The following CDH10 variants were observed in gnomAD, a reference collection of about 807,000 sequenced individuals.
CDH10 encodes the protein cadherin 10, also known as cadherin-10.
A neutral mutation model predicts 73.1 loss-of-function variants in CDH10; 30 were observed. The observed-to-expected ratio is 0.41, with a 90% CI of 0.31 to 0.56. The LOEUF (loss-of-function observed/expected upper bound fraction) is 0.56, where lower values mean the gene tolerates loss of function less well. CDH10 is among the 20% of genes least tolerant of loss of function. The probability of loss-of-function intolerance (pLI) is 0.27; values close to 1 mark genes in which losing one functional copy is unlikely to be tolerated. For missense variants in CDH10, 815 were observed against 973.7 expected (o/e 0.84, Z 2.17); for synonymous variants, 345 against 348.2 (o/e 0.99, Z 0.10).
At chr5:24,501,600 C>T (rs900014912) in intron 8 of CDH10, among the ~76,000 whole-genome samples, 1 of 152,118 alleles carries the variant, frequency 6.6e-6, no homozygotes, top group African/African-American at 2.4e-5. Context: ...GAAGCCATGA[C>T]GATGCATCCA....
chr5:24,641,914 T>C (rs1748066431), intron 1 of CDH10, among the ~76,000 whole-genome samples: 1 of 152,154 alleles, frequency 6.6e-6, no homozygotes, highest in Non-Finnish European at 1.5e-5. Flanking sequence ...AATATCTGCA[T>C]AAAATTACTT....
At chr5:24,601,100 T>G (rs1248662995) in intron 1 of CDH10, among the ~76,000 whole-genome samples, 5 of 152,262 alleles carry the variant, frequency 3.3e-5, no homozygotes, top group African/African-American at 1.2e-4. Flanking sequence ...AAAGTTCAGT[T>G]TTTTATTTTA....
At chr5:24,564,326 G>A (rs529699109) in intron 2 of CDH10, among the ~76,000 whole-genome samples, 2 of 152,326 alleles carry the variant, frequency 1.3e-5, no homozygotes, top group South Asian at 4.1e-4. Flanking sequence ...GAAAAGTAGA[G>A]AATACTAATT....
In CDH10 at chr5:24,509,932, A is replaced by G. The variant is rs570382857; in HGVS notation, c.1003-113T>C. Reference sequence around the variant, plus strand: ...GTTGAGTTCTCTTACATAGTTCATTAATTATAAATAAAAAAGACTAACACA... The same window carrying G: ...GTTGAGTTCTCTTACATAGTTCATTGATTATAAATAAAAAAGACTAACACA... On this transcript the variant is annotated intron_variant, in intron 6 of 11. Transcript: ENST00000264463. 215 of 677,744 alleles carry G rather than the reference A, an allele frequency of 3.2e-4. 2 individuals carry two copies. In the African/African-American group the frequency reaches 3.7e-3, roughly 12 times the overall value. The allele number at this position is 677,744 out of a possible 1,614,324, so 42.0% of individuals were successfully genotyped here. A position where few individuals can be genotyped will look rare whatever the true frequency, so the allele number is the denominator to read the frequency against.
intron 9 of CDH10, among the ~76,000 whole-genome samples, chr5:24,496,238 A>G (rs1470968983): frequency 6.6e-6 from 1 of 152,172 alleles, no homozygotes; most frequent in Non-Finnish European, 1.5e-5. Context: ...TTCCTTGGGA[A>G]ATCTGTGGTA....
chr5:24,621,767 CCATTTATATGCACACATATAATT>C (rs1208864588), intron 1 of CDH10, among the ~76,000 whole-genome samples: 2 of 152,092 alleles, frequency 1.3e-5, no homozygotes, highest in Non-Finnish European at 1.5e-5. Context: ...CATATATAAT[CCATTTATATGCACACATATAATT>C]CATTTATATG....
chr5:24,573,269 A>G (rs1314547233), intron 2 of CDH10, among the ~76,000 whole-genome samples: 2 of 152,108 alleles, frequency 1.3e-5, no homozygotes, highest in African/African-American at 2.4e-5. Context: ...TTGTAAACAT[A>G]GTAAATGAAA....
intron 1 of CDH10, among the ~76,000 whole-genome samples, chr5:24,596,183 G>A (rs1746367041): frequency 6.6e-6 from 1 of 151,818 alleles, no homozygotes; most frequent in East Asian, 1.9e-4. Context: ...TAAGTAACTA[G>A]GAGCCTACAT....
At chr5:24,554,473 CGTGTGTGTGTGT>C (rs70965612) in intron 2 of CDH10, among the ~76,000 whole-genome samples, 4,346 of 149,318 alleles carry the variant, frequency 0.029, 121 homozygotes, top group Middle Eastern at 0.13. Context: ...TCTCCCTATT[CGTGTGTGTGTGT>C]GTGTGTGTGT....
chr5:24,579,439 C>T (rs1356773857), intron 2 of CDH10, among the ~76,000 whole-genome samples: 2 of 152,014 alleles, frequency 1.3e-5, no homozygotes, highest in South Asian at 2.1e-4. Flanking sequence ...TACTGCTGCA[C>T]GTATTTGCTC....
intron 1 of CDH10, among the ~76,000 whole-genome samples, chr5:24,631,743 G>A (rs1193741001): frequency 6.6e-6 from 1 of 151,758 alleles, no homozygotes; most frequent in Non-Finnish European, 1.5e-5. Context: ...ATTGAGAAAG[G>A]GGACAAAAAA....
intron 5 of CDH10, among the ~76,000 whole-genome samples, chr5:24,534,419 C>T (rs73067139): frequency 0.061 from 9,190 of 151,866 alleles, 553 homozygotes; most frequent in African/African-American, 0.16. Flanking sequence ...CTTTAGTATG[C>T]GAGCAGACAT....
intron 2 of CDH10, among the ~76,000 whole-genome samples, chr5:24,546,673 A>G (rs1164398282): frequency 6.6e-6 from 1 of 152,190 alleles, no homozygotes; most frequent in African/African-American, 2.4e-5. Context: ...GTGCACAAAT[A>G]TATACACATA....
At chr5:24,500,069 CT>C (rs772473260) in intron 8 of CDH10, among the ~76,000 whole-genome samples, 68 of 152,254 alleles carry the variant, frequency 4.5e-4, no homozygotes, top group Admixed American at 9.8e-4. Flanking sequence ...CCAACATGGG[CT>C]GTGGATATCA....
At chr5:24,497,416 C>T (rs1255279271) in intron 9 of CDH10, among the ~76,000 whole-genome samples, 1 of 151,836 alleles carries the variant, frequency 6.6e-6, no homozygotes, top group African/African-American at 2.4e-5. Context: ...TGGGAAGCAA[C>T]TAAGTCATTT....
intron 2 of CDH10, among the ~76,000 whole-genome samples, chr5:24,550,545 C>T (rs369787187): frequency 1.3e-5 from 2 of 152,260 alleles, no homozygotes; most frequent in African/African-American, 4.8e-5. Flanking sequence ...AACTGTAATT[C>T]ATTCAGCTGA....
At chr5:24,530,405 C>T (rs1341023800) in intron 5 of CDH10, among the ~76,000 whole-genome samples, 1 of 151,858 alleles carries the variant, frequency 6.6e-6, no homozygotes, top group Non-Finnish European at 1.5e-5. Context: ...TTTCATAGAC[C>T]TTTCCAATGA....
intron 9 of CDH10, among the ~76,000 whole-genome samples, chr5:24,496,999 C>A (rs1460523002): frequency 1.3e-5 from 2 of 152,108 alleles, no homozygotes. Context: ...CTCTTCCTAT[C>A]AGGTGGGTCA....
At chr5:24,599,393 T>C (rs1327450845) in intron 1 of CDH10, among the ~76,000 whole-genome samples, 7 of 152,152 alleles carry the variant, frequency 4.6e-5, no homozygotes, top group Non-Finnish European at 8.8e-5. Flanking sequence ...ATTGTTCACT[T>C]AATTCATTAT....
Sources: gnomAD v4.1 joint callset for allele counts (sites outside exome capture counted in the v4.1 genomes callset) on GRCh38, gnomAD v4.1.1 for gene constraint, MANE v1.5 for transcripts, NCBI Gene and HGNC (gene_info 2026-07-23, HGNC 2026-07-21) for gene names.